Variants in DNAH14 observed in about 807,000 individuals in gnomAD.
DNAH14 encodes the protein axonemal beta dynein heavy chain 14.
A neutral mutation model predicts 520.9 loss-of-function variants in DNAH14; 478 were observed. The ratio of observed to expected loss-of-function variants is 0.92; its 90% CI spans 0.85 to 0.99. DNAH14 has a LOEUF of 0.99. DNAH14 is among the 50% of genes least tolerant of loss of function. The probability of loss-of-function intolerance (pLI) is 0.00; values close to 1 mark genes in which losing one functional copy is unlikely to be tolerated. For missense variants in DNAH14, 4,831 were observed against 5,234.5 expected (o/e 0.92, Z 2.38); for synonymous variants, 1,581 against 1,757.2 (o/e 0.90, Z 2.51).
At chr1:225,237,663 G>A (rs2091689770) in intron 42 of DNAH14, among the ~76,000 whole-genome samples, 1 of 152,150 alleles carries the variant, frequency 6.6e-6, no homozygotes, top group African/African-American at 2.4e-5. Context: ...TGTCTTGCTA[G>A]GTTGGGGAAC....
At position 225,097,261 on chromosome 1, in the gene DNAH14, A is replaced by G. The variant is rs902098256; in HGVS notation, c.3695+22A>G. On this transcript the variant is annotated intron_variant, in intron 22 of 85. Transcript: ENST00000682510. ...GAAGGTAAAATACCTAAAATATACC[A>G]TATACAGGTTCAAAATGCATTGTGA... 3.9e-6 allele frequency: 6 copies of G among 1,520,162 alleles called. No homozygotes were observed. The African/African-American group carries it at 7.0e-5, about 18-fold the overall frequency. 94.2% of individuals were successfully genotyped at this position (1,520,162 alleles called of 1,614,324 possible). A position where few individuals can be genotyped will look rare whatever the true frequency, so the allele number is the denominator to read the frequency against.
intron 34 of DNAH14, among the ~76,000 whole-genome samples, chr1:225,158,957 C>T (rs2081289315): frequency 6.6e-6 from 1 of 152,170 alleles, no homozygotes; most frequent in East Asian, 1.9e-4. Flanking sequence ...AGCTTGCAAG[C>T]CTAGTTCTGG....
chr1:225,024,266 T>A, intron 11 of DNAH14: 1 of 985,078 alleles, frequency 1.0e-6, no homozygotes. Context: ...ATGTGAGAAT[T>A]CTGGAAGGAG....
intron 30 of DNAH14, 46 bp from the exon 31 acceptor site, chr1:225,147,058 A>G: frequency 7.1e-7 from 1 of 1,403,980 alleles, no homozygotes; most frequent in Non-Finnish European, 9.5e-7. Flanking sequence ...AAATTTTCTC[A>G]CCATTATAAT....
chr1:225,223,499 C>A (rs675571), intron 41 of DNAH14, among the ~76,000 whole-genome samples: 19,422 of 152,116 alleles, frequency 0.13, 1,392 homozygotes, highest in East Asian at 0.31. Context: ...ATAGAACCAT[C>A]AAACACCCCT....
intron 17 of DNAH14, among the ~76,000 whole-genome samples, chr1:225,072,827 G>A (rs149938121): frequency 1.3e-3 from 191 of 152,212 alleles, no homozygotes; most frequent in African/African-American, 4.0e-3. Context: ...TGGAGTTATC[G>A]TCAGTGAAGT....
chr1:225,257,880 C>T, intron 44 of DNAH14, 80 bp from the exon 45 acceptor site: 1 of 1,137,430 alleles, frequency 8.8e-7, no homozygotes, highest in Non-Finnish European at 1.2e-6. Context: ...TAAAATAATC[C>T]TAATGACAAA....
intron 54 of DNAH14, among the ~76,000 whole-genome samples, chr1:225,287,578 G>T (rs1480996916): frequency 1.3e-5 from 2 of 152,168 alleles, no homozygotes; most frequent in Non-Finnish European, 2.9e-5. Flanking sequence ...TTATAGGAAT[G>T]TGTGTCTATA....
intron 73 of DNAH14, among the ~76,000 whole-genome samples, chr1:225,355,615 C>G (rs2095420903): frequency 6.6e-6 from 1 of 152,132 alleles, no homozygotes; most frequent in South Asian, 2.1e-4. Context: ...CAGACCATAG[C>G]AACTTCCAAG....
At chr1:225,056,763 C>G (rs1407558386) in intron 17 of DNAH14, among the ~76,000 whole-genome samples, 2 of 152,124 alleles carry the variant, frequency 1.3e-5, no homozygotes, top group Non-Finnish European at 2.9e-5. Context: ...AGCCAGTTTT[C>G]CCAGCACCAT....
intron 21 of DNAH14, among the ~76,000 whole-genome samples, chr1:225,095,300 A>G (rs2074851907): frequency 7.4e-6 from 1 of 135,126 alleles, no homozygotes; most frequent in Non-Finnish European, 1.5e-5. Flanking sequence ...CATATACCCC[A>G]AGGGATATAT....
chr1:225,070,042 C>T (rs920136630), intron 17 of DNAH14, among the ~76,000 whole-genome samples: 1 of 152,036 alleles, frequency 6.6e-6, no homozygotes, highest in Non-Finnish European at 1.5e-5. Context: ...TCTGTGGGGT[C>T]AGTGATAATA....
chr1:225,025,844 CTG>C (rs1392157480), intron 11 of DNAH14, among the ~76,000 whole-genome samples: 6 of 152,138 alleles, frequency 3.9e-5, no homozygotes, highest in African/African-American at 1.4e-4. Context: ...ATTGTTGAAT[CTG>C]TTTCCACTGA....
chr1:225,347,296 A>G (rs1162260344), intron 71 of DNAH14, among the ~76,000 whole-genome samples: 2 of 152,206 alleles, frequency 1.3e-5, no homozygotes, highest in Non-Finnish European at 2.9e-5. Context: ...TGAGAACTCT[A>G]GAGATCAGTT....
intron 55 of DNAH14, among the ~76,000 whole-genome samples, chr1:225,290,641 GTGTGTGTATATA>G (rs1394682644): frequency 0.012 from 1,133 of 91,220 alleles, 74 homozygotes; most frequent in African/African-American, 0.023. Context: ...ATGTGTGTGT[GTGTGTGTATATA>G]TATATATATA....
At chr1:224,989,037 C>G (rs866229144) in intron 8 of DNAH14, among the ~76,000 whole-genome samples, 5 of 152,186 alleles carry the variant, frequency 3.3e-5, no homozygotes, top group African/African-American at 4.8e-5. Flanking sequence ...ATGACCTAAT[C>G]ACTCTTAATA....
At chr1:225,192,558 G>C (rs1055572763) in intron 37 of DNAH14, 138 bp from the exon 38 acceptor site, 7 of 568,510 alleles carry the variant, frequency 1.2e-5, no homozygotes, top group African/African-American at 5.6e-5. Flanking sequence ...ACTGTTCCTT[G>C]CAACTTGCTA....
intron 1 of DNAH14, among the ~76,000 whole-genome samples, chr1:224,940,268 G>A (rs754148762): frequency 3.3e-5 from 5 of 152,168 alleles, no homozygotes; most frequent in Non-Finnish European, 7.4e-5. Context: ...TAAGGGCTGG[G>A]CCTGGAACTG....
At position 225,337,344 on chromosome 1, in the gene DNAH14, C is replaced by T. The variant is rs2095078283; in HGVS notation, c.10159C>T (p.Gln3387Ter). ...ENAILIKNGQ[Q>*]WPLLIDPHRQ... ...TGCCATCTTGATCAAGAATGGCCAG[C>T]AGTGGCCACTGCTGATTGACCCACA... Residue 3387 changes from glutamine (Q) to a stop codon, truncating the protein, a stop_gained, in exon 67 of 86, where the codon CAG becomes TAG. Transcript: ENST00000682510. LOFTEE classifies it high-confidence loss of function. The T allele has an allele frequency of 1.3e-6, 2 of 1,551,640 alleles. No homozygotes were observed. Among genetic ancestry groups the T allele is most frequent in the East Asian group, 4.9e-5 (2 of 40,908 alleles).
Sources: gnomAD v4.1 joint callset for allele counts (sites outside exome capture counted in the v4.1 genomes callset) on GRCh38, gnomAD v4.1.1 for gene constraint, MANE v1.5 for transcripts, NCBI Gene and HGNC (gene_info 2026-07-23, HGNC 2026-07-21) for gene names.